Variants in TMEM120B observed in about 807,000 individuals in gnomAD.
The protein encoded by TMEM120B is transmembrane protein 120B.
TMEM120B carries 31 observed loss-of-function variants against 55.5 expected under a neutral mutation model. That is an observed-to-expected ratio of 0.56 (90% CI 0.42 to 0.75). The LOEUF (loss-of-function observed/expected upper bound fraction) is 0.75, where lower values mean the gene tolerates loss of function less well. Among genes scored for constraint, TMEM120B ranks in the 30% least tolerant of loss-of-function variants. The pLI, the probability that TMEM120B is intolerant of heterozygous loss-of-function variation, is 0.00. For synonymous variants in TMEM120B, 203 were observed against 176.3 expected (o/e 1.15, Z -1.20); for missense variants, 399 against 425.5 (o/e 0.94, Z 0.55).
At chr12:121,717,540 T>G (rs1360389483) in intron 1 of TMEM120B, among the ~76,000 whole-genome samples, 1 of 152,202 alleles carries the variant, frequency 6.6e-6, no homozygotes, top group African/African-American at 2.4e-5. Flanking sequence ...GAGCCAGGAT[T>G]CGAACCCAGG....
At chr12:121,771,059 G>C (rs558806929) in intron 7 of TMEM120B, 87 bp downstream of exon 7, 9 of 1,432,498 alleles carry the variant, frequency 6.3e-6, no homozygotes, top group South Asian at 1.2e-5. Context: ...TCCAGACAGC[G>C]GTGGGGGGTG....
chr12:121,730,498 A>G (rs1894979250), intron 1 of TMEM120B, among the ~76,000 whole-genome samples: 1 of 151,600 alleles, frequency 6.6e-6, no homozygotes, highest in Non-Finnish European at 1.5e-5. Context: ...AAAAAATACA[A>G]AAATTAGCTG....
chr12:121,779,490 G>C lies in TMEM120B; in HGVS notation c.*3768G>C. ...GTCAGTGCTGTCGTGAGGTCTGTCT[G>C]CCCTGGGTCAGAGCAGCAGGCAGAG... On this transcript the variant is annotated 3_prime_UTR_variant, in exon 12 of 12. Coordinates refer to ENST00000449592, the MANE Select transcript of TMEM120B (RefSeq NM_001080825.2). 5.0e-6 allele frequency: 8 copies of C among 1,610,574 alleles called. No individual in the cohort carries two copies. The South Asian group carries it at 7.7e-5, about 15-fold the overall frequency.
intron 3 of TMEM120B, among the ~76,000 whole-genome samples, chr12:121,749,391 C>A (rs901536197): frequency 6.6e-6 from 1 of 152,172 alleles, no homozygotes; most frequent in Non-Finnish European, 1.5e-5. Context: ...GATAGAAAAC[C>A]CAACTCAAGG....
chr12:121,773,201 C>T (rs966780804), intron 8 of TMEM120B, among the ~76,000 whole-genome samples: 2 of 152,162 alleles, frequency 1.3e-5, no homozygotes, highest in African/African-American at 2.4e-5. Flanking sequence ...TCCTCACATA[C>T]CTGTGTTCTC....
At chr12:121,769,592 T>C (rs1873963566) in intron 6 of TMEM120B, among the ~76,000 whole-genome samples, 1 of 152,052 alleles carries the variant, frequency 6.6e-6, no homozygotes, top group African/African-American at 2.4e-5. Flanking sequence ...TGATCCCAGC[T>C]ACTCAGGAGG....
rs78758007 is a variant in TMEM120B, at chr12:121,725,529, C to T, written c.69+12565C>T. 9.9e-5 allele frequency among the ~76,000 whole-genome samples: 15 copies of T among 152,200 alleles called. No individual in the cohort carries two copies. In the East Asian group the frequency reaches 2.5e-3, roughly 25 times the overall value. Reference sequence around the variant, plus strand: ...AGGTCCACACAGACTTACATGACATCGGATCTTCATAGCAGCATTATTCAC... The same window carrying T: ...AGGTCCACACAGACTTACATGACATTGGATCTTCATAGCAGCATTATTCAC... On this transcript the variant is annotated intron_variant, in intron 1 of 11. Coordinates refer to ENST00000449592, the MANE Select transcript of TMEM120B (RefSeq NM_001080825.2).
intron 10 of TMEM120B, 58 bp downstream of exon 10, chr12:121,774,780 A>G: frequency 6.3e-7 from 1 of 1,577,718 alleles, no homozygotes; most frequent in South Asian, 1.1e-5. Context: ...CAGGAACAGA[A>G]GGTCTTCAGG....
chr12:121,753,862 G>A lies in TMEM120B; in HGVS notation c.461+1639G>A, dbSNP rs575002890. On this transcript the variant is annotated intron_variant, in intron 5 of 11. Coordinates refer to ENST00000449592, the MANE Select transcript of TMEM120B (RefSeq NM_001080825.2). Reference sequence around the variant, plus strand: ...AGGGCTGTGACAATTCAGGGAGCTGGCACCGTGTGTGGAAGCTCCACCCTG... The same window carrying A: ...AGGGCTGTGACAATTCAGGGAGCTGACACCGTGTGTGGAAGCTCCACCCTG... Among the ~76,000 whole-genome samples the A allele has an allele frequency of 1.2e-4, 18 of 152,334 alleles. No individual in the cohort carries two copies. The South Asian group carries it at 3.7e-3, about 32-fold the overall frequency.
chr12:121,758,308 G>A (rs970369560), intron 5 of TMEM120B: 19 of 985,362 alleles, frequency 1.9e-5, no homozygotes, highest in East Asian at 2.3e-4. Flanking sequence ...CCCACACAGC[G>A]GTCTGCCGGC....
rs199806160 is a variant in TMEM120B at position 121,772,109 on chromosome 12, T to TTCTCTCTCTCTC, written c.679+564_679+575dup. On this transcript the variant is annotated intron_variant, in intron 8 of 11. Transcript: ENST00000449592. ...TTTCTCTCTCTCTCTCTTTCTCTCT[T>TTCTCTCTCTCTC]TCTCTCTCTCTCTCTTTCTCTCTTT... Among the ~76,000 whole-genome samples, 14 of 147,422 alleles carry TTCTCTCTCTCTC rather than the reference T, an allele frequency of 9.5e-5. No individual in the cohort carries two copies. In the South Asian group the frequency reaches 2.4e-3, roughly 25 times the overall value.
chr12:121,749,687 C>T (rs1873212703), intron 3 of TMEM120B, among the ~76,000 whole-genome samples: 1 of 152,126 alleles, frequency 6.6e-6, no homozygotes. Flanking sequence ...AGGTGGATCA[C>T]TTAAGGTTAG....
At chr12:121,714,021 T>G (rs1894648794) in intron 1 of TMEM120B, among the ~76,000 whole-genome samples, 1 of 152,128 alleles carries the variant, frequency 6.6e-6, no homozygotes, top group African/African-American at 2.4e-5. Flanking sequence ...CTGATGGGTC[T>G]TTCTAGACAC....
intron 10 of TMEM120B, 41 bp downstream of exon 10, chr12:121,774,763 T>C: frequency 6.2e-7 from 1 of 1,604,576 alleles, no homozygotes; most frequent in Non-Finnish European, 8.5e-7. Context: ...CTGTCTGGGC[T>C]GACCCCCAGG....
chr12:121,765,047 C>G (rs903348242), intron 6 of TMEM120B, among the ~76,000 whole-genome samples: 6 of 152,040 alleles, frequency 3.9e-5, no homozygotes, highest in African/African-American at 1.4e-4. Context: ...GTACCAAACA[C>G]TGAACTAAGG....
intron 1 of TMEM120B, among the ~76,000 whole-genome samples, chr12:121,731,393 A>C (rs1187854319): frequency 2.0e-5 from 3 of 152,208 alleles, no homozygotes; most frequent in Non-Finnish European, 4.4e-5. Context: ...CTGAGATTAC[A>C]GGCGGGTGCC....
rs1448120524 is a variant in TMEM120B at position 121,778,712 on chromosome 12, T to G, written c.*2990T>G. The G allele has an allele frequency of 1.3e-5, 2 of 152,218 alleles. No homozygotes were observed. Among genetic ancestry groups the G allele is most frequent in the Non-Finnish European group, 1.5e-5 (1 of 68,084 alleles). 9.4% of individuals were successfully genotyped at this position (152,218 alleles called of 1,614,324 possible). On this transcript the variant is annotated 3_prime_UTR_variant, in exon 12 of 12. Coordinates refer to ENST00000449592, the MANE Select transcript of TMEM120B (RefSeq NM_001080825.2). ...TTGAGGACTAAGTGGGCCAGTCCTG[T>G]CCTACCACAGTGGGGGGAACAGTCC...
chr12:121,748,590 C>G, intron 3 of TMEM120B, 148 bp downstream of exon 3: 1 of 564,536 alleles, frequency 1.8e-6, no homozygotes, highest in East Asian at 3.5e-5. Context: ...GCCTTCCTTA[C>G]ACATTCCTCC....
chr12:121,739,472 T>C (rs1327488468), intron 1 of TMEM120B, among the ~76,000 whole-genome samples: 13 of 147,440 alleles, frequency 8.8e-5, no homozygotes, highest in Admixed American at 7.4e-4. Flanking sequence ...AAGCCAAATA[T>C]GTAACTTCTT....
Sources: allele counts gnomAD v4.1 joint callset (sites outside exome capture counted in the v4.1 genomes callset), GRCh38; gene constraint gnomAD v4.1.1; transcripts MANE v1.5; gene names NCBI Gene and HGNC (gene_info 2026-07-23, HGNC 2026-07-21).